The following ANKS1B variants were observed in gnomAD, a reference collection of about 807,000 sequenced individuals.
ANKS1B encodes ankyrin repeat and sterile alpha motif domain containing 1B, also known as ankyrin repeat and sterile alpha motif domain-containing protein 1B.
Under a neutral mutation model 148.3 loss-of-function variants are expected in ANKS1B, and 36 were observed. The ratio of observed to expected loss-of-function variants is 0.24; its 90% CI spans 0.19 to 0.32. ANKS1B has a LOEUF of 0.32. Ranked by LOEUF, ANKS1B falls within the 10% of genes least tolerant of loss-of-function variation. The pLI, the probability that ANKS1B is intolerant of heterozygous loss-of-function variation, is 1.00. For missense variants in ANKS1B, 1,157 were observed against 1,542.6 expected, an observed-to-expected ratio of 0.75 and a Z score of 4.19; for synonymous variants, 542 against 560.8, an observed-to-expected ratio of 0.97 and a Z score of 0.47.
chr12:99,396,188 T>G (rs2094237936), intron 12 of ANKS1B, among the ~76,000 whole-genome samples: 1 of 152,182 alleles, frequency 6.6e-6, no homozygotes, highest in Admixed American at 6.6e-5. Context: ...GAGTAGATAT[T>G]ATTTCCACTT....
chr12:99,953,918 A>C (rs1450196611), intron 1 of ANKS1B, among the ~76,000 whole-genome samples: 2 of 152,098 alleles, frequency 1.3e-5, no homozygotes, highest in Non-Finnish European at 2.9e-5. Flanking sequence ...ATTTATAGAG[A>C]GTGAAAAAGG....
intron 17 of ANKS1B, among the ~76,000 whole-genome samples, chr12:98,993,035 G>C (rs568058847): frequency 6.6e-6 from 1 of 152,296 alleles, no homozygotes; most frequent in South Asian, 2.1e-4. Context: ...GTATATAAGA[G>C]AATATTTTTA....
At chr12:99,911,021 TAACC>T (rs2093989660) in intron 1 of ANKS1B, among the ~76,000 whole-genome samples, 1 of 151,178 alleles carries the variant, frequency 6.6e-6, no homozygotes. Flanking sequence ...AGTCTGTTAC[TAACC>T]ATTTTAACAT....
chr12:99,525,684 G>T (rs1019530706), intron 9 of ANKS1B, among the ~76,000 whole-genome samples: 1 of 152,060 alleles, frequency 6.6e-6, no homozygotes, highest in Non-Finnish European at 1.5e-5. Context: ...AATTACTACT[G>T]CATTCCTTAT....
intron 15 of ANKS1B, among the ~76,000 whole-genome samples, chr12:99,086,295 AC>A (rs2051768427): frequency 6.6e-6 from 1 of 152,162 alleles, no homozygotes; most frequent in Admixed American, 6.6e-5. Flanking sequence ...AAGAGGAAGG[AC>A]AATGGGGAAA....
intron 9 of ANKS1B, among the ~76,000 whole-genome samples, chr12:99,588,559 G>A (rs1192694275): frequency 1.3e-5 from 2 of 151,796 alleles, no homozygotes; most frequent in Non-Finnish European, 1.5e-5. Context: ...TGGGACTACA[G>A]GCACCCGCCA....
chr12:98,896,373 T>C (rs924752715), intron 17 of ANKS1B, among the ~76,000 whole-genome samples: 1 of 152,250 alleles, frequency 6.6e-6, no homozygotes, highest in African/African-American at 2.4e-5. Context: ...TCCAGGCATC[T>C]GTGCATTATC....
chr12:99,705,565 A>G (rs1391940478), intron 8 of ANKS1B, among the ~76,000 whole-genome samples: 1 of 152,154 alleles, frequency 6.6e-6, no homozygotes, highest in Non-Finnish European at 1.5e-5. Context: ...TAGGGAATTT[A>G]TTCTCAACAC....
chr12:99,690,774 C>T (rs1318917375), intron 8 of ANKS1B, among the ~76,000 whole-genome samples: 1 of 152,182 alleles, frequency 6.6e-6, no homozygotes, highest in Admixed American at 6.5e-5. Flanking sequence ...GTGCACAGTG[C>T]AAGCTGTAAG....
chr12:99,425,388 AC>A (rs1437819305), intron 11 of ANKS1B, among the ~76,000 whole-genome samples: 1 of 152,000 alleles, frequency 6.6e-6, no homozygotes, highest in Non-Finnish European at 1.5e-5. Flanking sequence ...AAATAGTAGT[AC>A]AATGAATTAT....
intron 12 of ANKS1B, among the ~76,000 whole-genome samples, chr12:99,252,970 C>A (rs559619069): frequency 2.6e-5 from 4 of 152,202 alleles, no homozygotes; most frequent in Non-Finnish European, 5.9e-5. Context: ...ACACCTGTAA[C>A]CCCAACAGTT....
chr12:99,389,748 T>C lies in ANKS1B; in HGVS notation c.1756+9883A>G, dbSNP rs77801012. Among the ~76,000 whole-genome samples the C allele has an allele frequency of 3.9e-3, 600 of 152,224 alleles. 36 individuals carry two copies. The East Asian group carries it at 0.088, about 22-fold the overall frequency. On this transcript the variant is annotated intron_variant, in intron 12 of 26. Coordinates refer to ENST00000683438, the MANE Select transcript of ANKS1B (RefSeq NM_001352186.2). ...TCTGTTATATTTTCACGTGCATTAA[T>C]AGAAGTTAAAGCAAGAGAAAATTGA...
chr12:99,106,163 G>C (rs2059168351), intron 15 of ANKS1B, among the ~76,000 whole-genome samples: 1 of 152,124 alleles, frequency 6.6e-6, no homozygotes, highest in South Asian at 2.1e-4. Context: ...TTTTCCAAGA[G>C]GCACAAGGAG....
At chr12:99,707,043 TAATA>T (rs1238593769) in intron 8 of ANKS1B, among the ~76,000 whole-genome samples, 2 of 152,148 alleles carry the variant, frequency 1.3e-5, no homozygotes, top group Admixed American at 6.5e-5. Context: ...AACTGTGAGA[TAATA>T]AATATTTTGC....
intron 8 of ANKS1B, among the ~76,000 whole-genome samples, chr12:99,698,069 T>C (rs2054207008): frequency 6.6e-6 from 1 of 151,984 alleles, no homozygotes; most frequent in Non-Finnish European, 1.5e-5. Context: ...AGAGGTAGGA[T>C]TTCTCTGAGT....
intron 11 of ANKS1B, among the ~76,000 whole-genome samples, chr12:99,416,423 T>G (rs1167955174): frequency 1.3e-5 from 2 of 152,234 alleles, no homozygotes; most frequent in African/African-American, 4.8e-5. Context: ...TTTAAGAAAC[T>G]GCCAAACTGT....
chr12:98,757,628 G>A (rs1174705855), intron 25 of ANKS1B, among the ~76,000 whole-genome samples: 1 of 152,162 alleles, frequency 6.6e-6, no homozygotes, highest in African/African-American at 2.4e-5. Flanking sequence ...CCCATCTGCT[G>A]GCTCAAACCA....
chr12:98,952,566 C>T (rs2153083004), intron 17 of ANKS1B, among the ~76,000 whole-genome samples: 1 of 152,316 alleles, frequency 6.6e-6, no homozygotes, highest in African/African-American at 2.4e-5. Flanking sequence ...GTGACCTTCT[C>T]CAGTATCCAG....
intron 15 of ANKS1B, among the ~76,000 whole-genome samples, chr12:99,116,824 C>A (rs7488242): frequency 0.59 from 89,540 of 151,964 alleles, 26,767 homozygotes; most frequent in East Asian, 0.75. Flanking sequence ...GATTCTTCCT[C>A]TCCATGAACA....
Sources: gnomAD v4.1 joint callset for allele counts (sites outside exome capture counted in the v4.1 genomes callset) on GRCh38, gnomAD v4.1.1 for gene constraint, MANE v1.5 for transcripts, NCBI Gene and HGNC (gene_info 2026-07-23, HGNC 2026-07-21) for gene names.